Variants in HUWE1 observed in about 807,000 individuals in gnomAD.
HUWE1 encodes HECT, UBA and WWE domain containing E3 ubiquitin protein ligase 1.
HUWE1 carries 18 observed loss-of-function variants against 299.4 expected under a neutral mutation model. That is an observed-to-expected ratio of 0.06 (90% CI 0.04 to 0.09). The LOEUF (loss-of-function observed/expected upper bound fraction) is 0.09. Ranked by LOEUF, HUWE1 falls within the 10% of genes least tolerant of loss-of-function variation. The probability of loss-of-function intolerance (pLI) is 1.00; values close to 1 mark genes in which losing one functional copy is unlikely to be tolerated. For synonymous variants in HUWE1, 1,317 were observed against 1,286.1 expected (o/e 1.02, Z -0.51); for missense variants, 1,832 against 3,462.3 (o/e 0.53, Z 11.82).
intron 43 of HUWE1, among the ~76,000 whole-genome samples, chrX:53,577,520 T>C (rs1202844880): frequency 1.2e-5 from 1 of 86,138 alleles, no homozygotes; most frequent in African/African-American, 4.0e-5. Flanking sequence ...CCTCTCCCTC[T>C]CCCTCCCTCT....
chrX:53,673,793 G>A (rs2069673180), intron 3 of HUWE1, among the ~76,000 whole-genome samples: 1 of 111,346 alleles, frequency 9.0e-6, no homozygotes, highest in African/African-American at 3.3e-5. Context: ...GTGGGGGTAG[G>A]GACAGGGATT....
chrX:53,610,580 C>A (rs1435339221), intron 23 of HUWE1, among the ~76,000 whole-genome samples: 2 of 111,530 alleles, frequency 1.8e-5, no homozygotes, highest in African/African-American at 6.5e-5. Flanking sequence ...GTGGTGGAGC[C>A]CCAGCTCATG....
intron 7 of HUWE1, among the ~76,000 whole-genome samples, chrX:53,640,782 C>G (rs1029279097): frequency 3.6e-5 from 4 of 112,225 alleles, no homozygotes; most frequent in Admixed American, 1.9e-4. Flanking sequence ...ACAACTGGAT[C>G]TGAATTACCT....
chrX:53,628,334 C>A (rs1428723665), intron 15 of HUWE1, among the ~76,000 whole-genome samples, 159 bp downstream of exon 15: 1 of 110,777 alleles, frequency 9.0e-6, no homozygotes, highest in African/African-American at 3.3e-5. Flanking sequence ...AATTAGATAA[C>A]TAGAAAGCCA....
At position 53,588,469 on chromosome X, in the gene HUWE1, G is replaced by A. The variant is rs368416687; in HGVS notation, c.4527C>T (p.Thr1509=). ...ALPLTTSDTK[T]VSEWISQMAT... The stretch of plus-strand genomic sequence containing the variant: ...CCATCTGACTTATCCACTCTGACAC[G>A]GTTTTTGTGTCACTTGTTGTCAGGG... Residue 1509 remains threonine, a synonymous_variant, in exon 37 of 84, where the codon ACC becomes ACT. Coordinates refer to ENST00000262854, the MANE Select transcript of HUWE1 (RefSeq NM_031407.7). 6.5e-5 allele frequency: 78 copies of A among 1,205,380 alleles called. 1 individual carries two copies. Among genetic ancestry groups the A allele is most frequent in the Non-Finnish European group, 8.4e-5 (75 of 892,503 alleles).
In HUWE1 at chrX:53,549,298, G is replaced by A; in HGVS notation, c.9696C>T (p.Arg3232=). Residue 3232 remains arginine, a synonymous_variant, in exon 67 of 84, where the codon CGC becomes CGT. Coordinates refer to ENST00000262854, the MANE Select transcript of HUWE1 (RefSeq NM_031407.7). ...CAATGCATAGCTCACTCTCACTGCT[G>A]CGCTGCAAGATGGAGAGCAGACTGC... ...VIRSLLSILQ[R]SSESELCIET... 8.3e-7 allele frequency: 1 copy of A among 1,211,749 alleles called. No homozygotes were observed. Among genetic ancestry groups the A allele is most frequent in the Non-Finnish European group, 1.1e-6 (1 of 895,387 alleles).
At chrX:53,552,938 G>C in intron 61 of HUWE1, 45 bp from the exon 62 acceptor site, 1 of 1,196,816 alleles carries the variant, frequency 8.4e-7, no homozygotes, top group Non-Finnish European at 1.1e-6. Flanking sequence ...ATCTGGAACC[G>C]GGGCAAAATG....
At chrX:53,673,200 T>C (rs782431212) in intron 3 of HUWE1, among the ~76,000 whole-genome samples, 7 of 111,787 alleles carry the variant, frequency 6.3e-5, no homozygotes, top group Non-Finnish European at 1.3e-4. Context: ...ATTTATACCA[T>C]TCTCACAGTA....
At chrX:53,620,827 C>G (rs781849658) in intron 19 of HUWE1, among the ~76,000 whole-genome samples, 1 of 111,378 alleles carries the variant, frequency 9.0e-6, no homozygotes, top group African/African-American at 3.3e-5. Flanking sequence ...CCACGGTGGA[C>G]AGGAGCCTAG....
Position 53,564,742 on chromosome X carries a change from A to C in HUWE1, c.6881-20T>G. On this transcript the variant is annotated intron_variant, in intron 50 of 83. Transcript: ENST00000262854. The stretch of plus-strand genomic sequence containing the variant: ...GCTCGCCTGAAACAATCAACCAACC[A>C]GCAAAATAATCAAAGAGTGCCTATG... 1.7e-6 allele frequency: 2 copies of C among 1,211,707 alleles called. No homozygotes were observed.
Position 53,647,507 on chromosome X carries a change from G to A in HUWE1, c.212C>T (p.Thr71Ile). 1.7e-6 allele frequency: 2 copies of A among 1,208,605 alleles called. No individual in the cohort carries two copies. Among genetic ancestry groups the A allele is most frequent in the Non-Finnish European group, 2.2e-6 (2 of 892,656 alleles). ...GAGCATCCATGACATATTCTCCACT[G>A]TCTGTCCAGCATCTGCCAGTATTCC... ...FDGILADAGQ[T>I]VENMSWMLVC... Residue 71 changes from threonine (T) to isoleucine (I), a missense_variant, in exon 6 of 84, where the codon ACA becomes ATA. Thr to Ile is a moderately conservative substitution (Grantham distance 89). Around this residue, in one of 15 missense-constraint regions of HUWE1, gnomAD observed 658 missense variants for 1,282.6 expected, o/e 0.51. Coordinates refer to ENST00000262854, the MANE Select transcript of HUWE1 (RefSeq NM_031407.7).
At chrX:53,550,299 G>A (rs1446561703) in intron 66 of HUWE1, among the ~76,000 whole-genome samples, 2 of 111,810 alleles carry the variant, frequency 1.8e-5, no homozygotes, top group African/African-American at 3.3e-5. Context: ...GGCCCACTCT[G>A]TTTTAGCCTG....
At position 53,632,508 on chromosome X, in the gene HUWE1, G is replaced by A. The variant is rs781929760; in HGVS notation, c.624C>T (p.Ala208=). The stretch of plus-strand genomic sequence containing the variant: ...TCACCCTTTTCTCAATTTTGACCTC[G>A]GCCCCAGGATCTGCATAGAATTCAA... ...LHFEFYADPG[A]EVKIEKRTTS... The change falls in exon 9 of 84, where the codon GCC becomes GCT. Residue 208 remains alanine (A), a synonymous_variant. Transcript: ENST00000262854. The A allele has an allele frequency of 8.3e-7, 1 of 1,205,440 alleles. No homozygotes were observed. The highest frequency in any genetic ancestry group is 1.1e-6 in the Non-Finnish European group (1 of 889,865).
chrX:53,585,325 G>T lies in HUWE1; in HGVS notation c.4825-137C>A, dbSNP rs782458853. On this transcript the variant is annotated intron_variant, in intron 39 of 83. Transcript: ENST00000262854. ...GGACAATAAATTTTAAAAACCAAAA[G>T]AACATTTTTCATATGCATTTACTCT... 5.0e-5 allele frequency: 31 copies of T among 620,591 alleles called. No individual in the cohort carries two copies. The East Asian group carries it at 7.5e-4, about 15-fold the overall frequency. 51.1% of individuals were successfully genotyped at this position (620,591 alleles called of 1,213,427 possible). A position where few individuals can be genotyped will look rare whatever the true frequency, so the allele number is the denominator to read the frequency against.
intron 54 of HUWE1, 49 bp from the exon 55 acceptor site, chrX:53,561,973 G>A (rs368595049): frequency 3.3e-6 from 4 of 1,209,222 alleles, no homozygotes; most frequent in African/African-American, 1.8e-5. Context: ...AGGGTTTTCT[G>A]AAGCCTGGTG....
chrX:53,539,650 A>G lies in HUWE1; in HGVS notation c.11632+7T>C, dbSNP rs1556916625. 1.7e-6 allele frequency: 2 copies of G among 1,209,486 alleles called. No homozygotes were observed. Among genetic ancestry groups the G allele is most frequent in the African/African-American group, 3.5e-5 (2 of 57,117 alleles). On this transcript the variant is annotated splice_region_variant and intron_variant, in intron 75 of 83. Coordinates refer to ENST00000262854, the MANE Select transcript of HUWE1 (RefSeq NM_031407.7). ...GTTGGGACCTGGGCCTTTAGGACACAACTCACCTAGCACCGCATGCTGGTC... is the reference window on the plus strand; with the variant it reads ...GTTGGGACCTGGGCCTTTAGGACACGACTCACCTAGCACCGCATGCTGGTC...
intron 47 of HUWE1, among the ~76,000 whole-genome samples, chrX:53,572,594 A>T (rs1352193494): frequency 8.9e-6 from 1 of 111,897 alleles, no homozygotes; most frequent in Non-Finnish European, 1.9e-5. Context: ...CCCATTTTAC[A>T]TATGCGGGAA....
At chrX:53,598,726 T>A (rs782326546) in intron 29 of HUWE1, among the ~76,000 whole-genome samples, 3 of 111,925 alleles carry the variant, frequency 2.7e-5, no homozygotes, top group African/African-American at 9.7e-5. Flanking sequence ...TCAAACGTTA[T>A]ACATGGATTT....
intron 15 of HUWE1, 72 bp downstream of exon 15, chrX:53,628,420 CA>C (rs1232273616): frequency 2.1e-5 from 22 of 1,059,705 alleles, no homozygotes; most frequent in Admixed American, 3.3e-5. Flanking sequence ...TGAAACACCC[CA>C]AACTTGCATC....
Sources: gnomAD v4.1 joint callset for allele counts (sites outside exome capture counted in the v4.1 genomes callset) on GRCh38, gnomAD v4.1.1 for gene constraint, gnomAD v4.1.1 regional missense constraint, MANE v1.5 for transcripts, NCBI Gene and HGNC (gene_info 2026-07-23, HGNC 2026-07-21) for gene names.